The following CCDC7 variants were observed in gnomAD, a reference collection of about 807,000 sequenced individuals.
CCDC7 encodes the protein coiled-coil domain-containing protein 7.
Under a neutral mutation model 196.9 loss-of-function variants are expected in CCDC7, and 183 were observed. The observed-to-expected ratio is 0.93, with a 90% confidence interval of 0.82 to 1.05. The LOEUF is 1.05. Ranked by LOEUF, CCDC7 falls within the 50% of genes least tolerant of loss-of-function variation. The probability of loss-of-function intolerance (pLI) is 0.00; values close to 1 mark genes in which losing one functional copy is unlikely to be tolerated. For missense variants in CCDC7, 1,540 were observed against 1,482.2 expected (o/e 1.04, Z -0.64); for synonymous variants, 525 against 484.6 (o/e 1.08, Z -1.10).
intron 22 of CCDC7, among the ~76,000 whole-genome samples, chr10:32,687,548 A>C (rs1159009431): frequency 1.3e-5 from 2 of 152,204 alleles, no homozygotes; most frequent in African/African-American, 4.8e-5. Context: ...GTGGCTTCAG[A>C]CCTCACACCA....
downstream of CCDC7, among the ~76,000 whole-genome samples, chr10:32,880,347 C>G (rs551466141): frequency 3.9e-5 from 6 of 152,132 alleles, no homozygotes; most frequent in Non-Finnish European, 8.8e-5. Flanking sequence ...ACATAAATGT[C>G]TTCTTTCGAG....
At chr10:32,703,368 T>C (rs2079099045) in intron 24 of CCDC7, among the ~76,000 whole-genome samples, 1 of 152,106 alleles carries the variant, frequency 6.6e-6, no homozygotes, top group South Asian at 2.1e-4. Flanking sequence ...CTTGTAGAGT[T>C]TCTGCCGAGA....
chr10:32,447,156 C>T (rs2133234981), upstream of CCDC7, among the ~76,000 whole-genome samples: 1 of 152,238 alleles, frequency 6.6e-6, no homozygotes, highest in Non-Finnish European at 1.5e-5. Flanking sequence ...CCTACTTCCT[C>T]TCTTTTGAAC....
chr10:32,704,465 C>T lies in CCDC7; in HGVS notation c.2459-7155C>T, dbSNP rs2079342178. Among the ~76,000 whole-genome samples the T allele has an allele frequency of 2.7e-5, 4 of 150,886 alleles. No homozygotes were observed. The South Asian group carries it at 8.3e-4, about 31-fold the overall frequency. On this transcript the variant is annotated intron_variant, in intron 24 of 41. Transcript: ENST00000639629. ...AGGCTACTCAGGGGTCAGGGACCCA[C>T]TTGAGGAGGCAGTCAGTCCATTCTC...
chr10:32,589,358 C>T (rs2059577394), intron 18 of CCDC7, among the ~76,000 whole-genome samples: 1 of 152,246 alleles, frequency 6.6e-6, no homozygotes, highest in African/African-American at 2.4e-5. Context: ...AATAGTCCTC[C>T]ATTGTGTATA....
chr10:32,632,144 G>T (rs1003377251), intron 18 of CCDC7, among the ~76,000 whole-genome samples: 25 of 133,280 alleles, frequency 1.9e-4, no homozygotes, highest in East Asian at 7.6e-4. Flanking sequence ...TTTTTTGGGG[G>T]GGGGGGGGTC....
intron 28 of CCDC7, among the ~76,000 whole-genome samples, chr10:32,758,338 G>A (rs2076833525): frequency 6.6e-6 from 1 of 152,156 alleles, no homozygotes; most frequent in Non-Finnish European, 1.5e-5. Flanking sequence ...GAGCATTGAT[G>A]CAAAAATCCT....
intron 31 of CCDC7, among the ~76,000 whole-genome samples, chr10:32,818,596 C>A (rs893171467): frequency 1.3e-5 from 2 of 152,200 alleles, no homozygotes; most frequent in Admixed American, 6.5e-5. Flanking sequence ...AAGTAAAGCA[C>A]TCCTCAGCAA....
intron 16 of CCDC7, among the ~76,000 whole-genome samples, chr10:32,581,100 A>G (rs1176899213): frequency 6.6e-6 from 1 of 152,080 alleles, no homozygotes; most frequent in Non-Finnish European, 1.5e-5. Context: ...GAAGAGATAC[A>G]CTCTTTATAC....
intron 11 of CCDC7, among the ~76,000 whole-genome samples, chr10:32,525,777 T>C (rs2048576317): frequency 2.6e-5 from 4 of 152,224 alleles, no homozygotes; most frequent in Admixed American, 2.6e-4. Flanking sequence ...GGTATCACCT[T>C]GATGGTCTTG....
At chr10:32,818,247 T>C (rs546845297) in intron 31 of CCDC7, among the ~76,000 whole-genome samples, 3 of 152,164 alleles carry the variant, frequency 2.0e-5, no homozygotes, top group Non-Finnish European at 4.4e-5. Context: ...AAGAAGGCCA[T>C]TACATAATGG....
chr10:32,454,832 T>G (rs1425287278), intron 2 of CCDC7, among the ~76,000 whole-genome samples: 1 of 152,164 alleles, frequency 6.6e-6, no homozygotes, highest in Non-Finnish European at 1.5e-5. Context: ...CCTCCTGTCT[T>G]TCCCACTCAG....
At chr10:32,746,632 T>A (rs1213797721) in intron 28 of CCDC7, among the ~76,000 whole-genome samples, 1 of 152,220 alleles carries the variant, frequency 6.6e-6, no homozygotes, top group Non-Finnish European at 1.5e-5. Flanking sequence ...TGCCTGGCTA[T>A]GTCTACTTGC....
chr10:32,873,809 T>G (rs888459200), intron 41 of CCDC7, among the ~76,000 whole-genome samples: 9 of 151,942 alleles, frequency 5.9e-5, no homozygotes, highest in Non-Finnish European at 7.4e-5. Context: ...GCCACACTAC[T>G]TTTTAAAGTG....
intron 31 of CCDC7, among the ~76,000 whole-genome samples, chr10:32,817,966 T>G (rs11516739): frequency 0.92 from 140,547 of 152,152 alleles, 65,895 homozygotes; most frequent in East Asian, 1. Flanking sequence ...CATAATGACA[T>G]GATCAAATCC....
At chr10:32,514,997 A>C (rs1023657795) in intron 9 of CCDC7, among the ~76,000 whole-genome samples, 33 of 152,084 alleles carry the variant, frequency 2.2e-4, no homozygotes, top group African/African-American at 7.2e-4. Flanking sequence ...GCAATTAAAA[A>C]ATTTTTTTTG....
At chr10:32,772,240 T>C (rs928032227) in intron 28 of CCDC7, among the ~76,000 whole-genome samples, 1 of 151,932 alleles carries the variant, frequency 6.6e-6, no homozygotes, top group African/African-American at 2.4e-5. Context: ...TGCAGAAGAG[T>C]TTGTGCAGGG....
At chr10:32,633,696 ATGTGTGTGTGTGTG>A (rs1554928040) in intron 18 of CCDC7, among the ~76,000 whole-genome samples, 9 of 135,230 alleles carry the variant, frequency 6.7e-5, no homozygotes, top group African/African-American at 2.5e-4. Context: ...ATATATATAT[ATGTGTGTGTGTGTG>A]TGTGTGTGTG....
At chr10:32,502,899 T>C (rs2044296906) in intron 9 of CCDC7, among the ~76,000 whole-genome samples, 1 of 152,238 alleles carries the variant, frequency 6.6e-6, no homozygotes, top group Non-Finnish European at 1.5e-5. Flanking sequence ...CCAAGTATTT[T>C]ATTTCTTTTT....
Sources: gnomAD v4.1 joint callset for allele counts (sites outside exome capture counted in the v4.1 genomes callset) on GRCh38, gnomAD v4.1.1 for gene constraint, MANE v1.5 for transcripts, NCBI Gene and HGNC (gene_info 2026-07-23, HGNC 2026-07-21) for gene names.